The following KLHL13 variants were observed in gnomAD, a reference collection of about 807,000 sequenced individuals.
KLHL13 encodes the protein kelch like family member 13, also known as kelch-like protein 13.
KLHL13 carries 10 observed loss-of-function variants against 37.1 expected under a neutral mutation model. The observed-to-expected ratio is 0.27, with a 90% confidence interval of 0.17 to 0.46. The LOEUF is 0.46. Among genes scored for constraint, KLHL13 ranks in the 20% least tolerant of loss-of-function variants. The pLI, the probability that KLHL13 is intolerant of heterozygous loss-of-function variation, is 1.00. For missense variants in KLHL13, 360 were observed against 509.3 expected, an observed-to-expected ratio of 0.71 and a Z score of 2.82; for synonymous variants, 163 against 181.2, an observed-to-expected ratio of 0.90 and a Z score of 0.81.
intron 1 of KLHL13, among the ~76,000 whole-genome samples, chrX:118,103,178 G>A (rs1397836319): frequency 9.0e-6 from 1 of 111,643 alleles, no homozygotes; most frequent in Non-Finnish European, 1.9e-5. Flanking sequence ...GACTCCAGGT[G>A]ATGTCAACTG....
Position 117,967,304 on chromosome X carries a change from G to T in KLHL13, c.98+5427C>A, listed in dbSNP as rs191305092. Among the ~76,000 whole-genome samples the T allele has an allele frequency of 1.5e-3, 167 of 111,692 alleles. 2 individuals are homozygous for T. Among genetic ancestry groups the T allele is most frequent in the African/African-American group, 5.3e-3 (162 of 30,835 alleles). Reference sequence around the variant, plus strand: ...GGATATAAAGCAATACATCATGGCAGCCATGTCAATCTAAAATTTTATCAT... The same window carrying T: ...GGATATAAAGCAATACATCATGGCATCCATGTCAATCTAAAATTTTATCAT... On this transcript the variant is annotated intron_variant, in intron 1 of 6. Coordinates refer to ENST00000262820, the Ensembl canonical transcript of KLHL13.
intron 1 of KLHL13, among the ~76,000 whole-genome samples, chrX:117,991,137 T>TAAAAAAAAAAAAAAAAAAAAAAAAA (rs750755409): frequency 3.9e-4 from 33 of 83,805 alleles, no homozygotes; most frequent in African/African-American, 2.4e-3. Flanking sequence ...CATTAAAAAG[T>TAAAAAAAAAAAAAAAAAAAAAAAAA]AAAAAAAAAA....
chrX:118,088,216 T>G (rs1044824293), intron 1 of KLHL13, among the ~76,000 whole-genome samples: 1 of 112,183 alleles, frequency 8.9e-6, no homozygotes, highest in Non-Finnish European at 1.9e-5. Flanking sequence ...CAATCCAATC[T>G]ACATTTACTG....
At chrX:118,021,294 G>A (rs1261646439) in intron 1 of KLHL13, among the ~76,000 whole-genome samples, 2 of 104,420 alleles carry the variant, frequency 1.9e-5, no homozygotes, top group Non-Finnish European at 3.9e-5. Flanking sequence ...CAATGTGCAG[G>A]TTAGTTACAT....
At chrX:117,904,505 T>C (rs1930366047) in intron 5 of KLHL13, among the ~76,000 whole-genome samples, 1 of 111,391 alleles carries the variant, frequency 9.0e-6, no homozygotes, top group Admixed American at 9.6e-5. Flanking sequence ...TGGAAAAATC[T>C]AGAGCAGGTG....
At chrX:118,065,589 C>A (rs1287059876) in intron 1 of KLHL13, among the ~76,000 whole-genome samples, 1 of 111,609 alleles carries the variant, frequency 9.0e-6, no homozygotes, top group African/African-American at 3.3e-5. Flanking sequence ...CAGAGAAAGC[C>A]AGTCTTCAGA....
exon 1 of KLHL13, chrX:117,972,798 C>G (rs764033969): frequency 1.7e-6 from 2 of 1,211,382 alleles, no homozygotes; most frequent in Admixed American, 4.3e-5. Context: ...TTCCAGATAG[C>G]AGGAGAGCTC....
intron 2 of KLHL13, among the ~76,000 whole-genome samples, chrX:117,943,406 T>C (rs143783370): frequency 0.018 from 1,951 of 111,055 alleles, 37 homozygotes; most frequent in African/African-American, 0.06. Flanking sequence ...TCCTGGAGAA[T>C]ACCCTGAAGA....
chrX:117,972,406 G>C (rs756448106), intron 1 of KLHL13, among the ~76,000 whole-genome samples: 1 of 112,513 alleles, frequency 8.9e-6, no homozygotes, highest in East Asian at 2.8e-4. Context: ...GTCATCCTAA[G>C]TGTTTTAGAT....
At chrX:117,949,054 C>T (rs1398025007) in intron 1 of KLHL13, among the ~76,000 whole-genome samples, 2 of 111,982 alleles carry the variant, frequency 1.8e-5, no homozygotes, top group Non-Finnish European at 3.8e-5. Flanking sequence ...ATTACCCGAA[C>T]GGAAACATGT....
At chrX:118,100,061 A>T (rs2055271227) in intron 1 of KLHL13, among the ~76,000 whole-genome samples, 1 of 112,140 alleles carries the variant, frequency 8.9e-6, no homozygotes, top group Admixed American at 9.5e-5. Flanking sequence ...AGGCACATGA[A>T]GTAAAGGTTC....
chrX:117,981,431 G>T (rs572948628), intron 1 of KLHL13, among the ~76,000 whole-genome samples: 1 of 111,865 alleles, frequency 8.9e-6, no homozygotes, highest in South Asian at 3.7e-4. Flanking sequence ...CTAAATCTGG[G>T]TTTCTTGACT....
chrX:117,923,522 G>A (rs879370), intron 2 of KLHL13, among the ~76,000 whole-genome samples: 1,221 of 111,828 alleles, frequency 0.011, 20 homozygotes, highest in African/African-American at 0.037. Context: ...TTCCACTAAA[G>A]AACAAAAACA....
In KLHL13 at chrX:118,104,048, T is replaced by TAAAAAAAAAAAA. The variant is rs60645250; in HGVS notation, c.-56+12448_-56+12459dup. Among the ~76,000 whole-genome samples, 188 of 42,549 alleles carry TAAAAAAAAAAAA rather than the reference T, an allele frequency of 4.4e-3. 14 individuals carry two copies. The highest frequency in any genetic ancestry group is 0.016 in the African/African-American group (180 of 11,164). 36.9% of individuals were successfully genotyped at this position (42,549 alleles called of 115,157 possible). A position where few individuals can be genotyped will look rare whatever the true frequency, so the allele number is the denominator to read the frequency against. On this transcript the variant is annotated intron_variant, in intron 1 of 6. Transcript: ENST00000371882. ...CAACATACCGAGGCCTCATTTCCAC[T>TAAAAAAAAAAAA]AAAAAAAAAAAAAAAAAAAAAAAAA... is the stretch of plus-strand genomic sequence containing the variant.
chrX:117,926,615 T>C (rs866768598), intron 2 of KLHL13, among the ~76,000 whole-genome samples: 11 of 111,272 alleles, frequency 9.9e-5, no homozygotes, highest in Middle Eastern at 4.6e-3. Context: ...GCCTCAGTAC[T>C]GGGGGAAAGT....
At chrX:117,915,302 A>T (rs1202784778) in intron 4 of KLHL13, among the ~76,000 whole-genome samples, 1 of 111,909 alleles carries the variant, frequency 8.9e-6, no homozygotes. Context: ...GTCTTCTCCA[A>T]TGACTTCTGA....
chrX:117,947,408 T>C (rs1191957853), intron 1 of KLHL13: 1 of 112,172 alleles, frequency 8.9e-6, no homozygotes, highest in African/African-American at 3.2e-5. Flanking sequence ...TATTATGCAG[T>C]GCTTAAATGA....
intron 1 of KLHL13, among the ~76,000 whole-genome samples, chrX:118,023,843 A>G (rs2054247526): frequency 8.9e-6 from 1 of 111,955 alleles, no homozygotes; most frequent in African/African-American, 3.2e-5. Flanking sequence ...AAGTGCTGTG[A>G]TTCCAGATGT....
At chrX:118,045,669 C>T (rs1190124654) in intron 1 of KLHL13, among the ~76,000 whole-genome samples, 3 of 110,073 alleles carry the variant, frequency 2.7e-5, no homozygotes, top group Non-Finnish European at 5.7e-5. Flanking sequence ...AGTAGATGGG[C>T]GTGGTGGTGC....
Sources: allele counts gnomAD v4.1 joint callset (sites outside exome capture counted in the v4.1 genomes callset), GRCh38; gene constraint gnomAD v4.1.1; transcripts MANE v1.5; gene names NCBI Gene and HGNC (gene_info 2026-07-23, HGNC 2026-07-21).